The following YAP1 variants were observed in gnomAD, a reference collection of about 807,000 sequenced individuals.
The protein encoded by YAP1 is transcriptional coactivator YAP1.
A neutral mutation model predicts 56.9 loss-of-function variants in YAP1; 5 were observed. The ratio of observed to expected loss-of-function variants is 0.09; its 90% confidence interval spans 0.05 to 0.18. The LOEUF is 0.18. Ranked by LOEUF, YAP1 falls within the 10% of genes least tolerant of loss-of-function variation. The pLI is 1.00. For synonymous variants in YAP1, 265 were observed against 248.1 expected (o/e 1.07, Z -0.64); for missense variants, 539 against 651.8 (o/e 0.83, Z 1.88).
intron 2 of YAP1, among the ~76,000 whole-genome samples, chr11:102,148,688 G>C (rs1945461559): frequency 6.6e-6 from 1 of 152,128 alleles, no homozygotes; most frequent in Non-Finnish European, 1.5e-5. Context: ...CAAGACATCA[G>C]TATCTGAAAT....
At chr11:102,130,504 GGTGATTCTCC>G (rs755300681) in intron 2 of YAP1, among the ~76,000 whole-genome samples, 26 of 151,990 alleles carry the variant, frequency 1.7e-4, no homozygotes, top group Non-Finnish European at 3.4e-4. Context: ...TCTGGACTTA[GGTGATTCTCC>G]ACCTCAGCCT....
chr11:102,211,018 T>G (rs947806320), intron 6 of YAP1, among the ~76,000 whole-genome samples: 9 of 152,152 alleles, frequency 5.9e-5, no homozygotes, highest in East Asian at 1.9e-4. Context: ...GCCTCCCAAA[T>G]TGCTGGGATT....
rs528432500 is a variant in YAP1 at position 102,166,353 on chromosome 11, A to G, written c.688+3782A>G. On this transcript the variant is annotated intron_variant, in intron 3 of 8. Transcript: ENST00000282441. Reference sequence around the variant, plus strand: ...TTCAGTGGAAGCCCATGGTTTTGACATGTTTTGGAATGAATGTCACTGTAA... The same window carrying G: ...TTCAGTGGAAGCCCATGGTTTTGACGTGTTTTGGAATGAATGTCACTGTAA... Among the ~76,000 whole-genome samples the G allele has an allele frequency of 4.6e-5, 7 of 152,280 alleles. No homozygotes were observed. In the South Asian group the frequency reaches 6.2e-4, roughly 14 times the overall value.
At chr11:102,154,873 A>C (rs537238552) in intron 2 of YAP1, among the ~76,000 whole-genome samples, 1 of 152,224 alleles carries the variant, frequency 6.6e-6, no homozygotes, top group Non-Finnish European at 1.5e-5. Context: ...GTAGCTAAGT[A>C]TGATTCCCTC....
At chr11:102,186,814 ATGTGTGTGTGTG>A (rs10580018) in intron 4 of YAP1, 134 of 138,526 alleles carry the variant, frequency 9.7e-4, no homozygotes, top group African/African-American at 3.1e-3. Context: ...TTTTTAAAAA[ATGTGTGTGTGTG>A]TGTGTGTGTG....
intron 4 of YAP1, among the ~76,000 whole-genome samples, chr11:102,193,537 C>T (rs1948409317): frequency 6.6e-6 from 1 of 152,162 alleles, no homozygotes; most frequent in Admixed American, 6.5e-5. Flanking sequence ...GGTAAGCAAT[C>T]TCTCCTGTAC....
intron 4 of YAP1, among the ~76,000 whole-genome samples, chr11:102,199,058 A>G (rs1299203758): frequency 1.3e-5 from 2 of 152,228 alleles, no homozygotes; most frequent in African/African-American, 4.8e-5. Context: ...GAGGTATAGG[A>G]ATCATCAAAA....
intron 3 of YAP1, among the ~76,000 whole-genome samples, chr11:102,164,298 G>A (rs1255386913): frequency 6.6e-6 from 1 of 152,162 alleles, no homozygotes; most frequent in East Asian, 1.9e-4. Context: ...CTCCCAAAGT[G>A]CTGGGATAAC....
chr11:102,233,152 A>T lies in YAP1; in HGVS notation c.*3212A>T, dbSNP rs1021735728. 6.6e-6 allele frequency: 1 copy of T among 152,202 alleles called. No individual in the cohort carries two copies. The highest frequency in any genetic ancestry group is 2.4e-5 in the African/African-American group (1 of 41,458). The allele number at this position is 152,202 out of a possible 1,614,324, so 9.4% of individuals were successfully genotyped here. On this transcript the variant is annotated 3_prime_UTR_variant, in exon 9 of 9. Transcript: ENST00000282441. ...ATTTTATCCTCGCAAGCATGTTGTT[A>T]TAAGAATTGTGGGTGTGCCTATCAT...
chr11:102,186,836 G>C (rs1947988200), intron 4 of YAP1: 1 of 151,972 alleles, frequency 6.6e-6, no homozygotes, highest in Admixed American at 6.6e-5. Flanking sequence ...GTGTGTGTGT[G>C]TGTGTGTGTG....
intron 2 of YAP1, among the ~76,000 whole-genome samples, chr11:102,148,976 A>T (rs1945476646): frequency 6.6e-6 from 1 of 152,178 alleles, no homozygotes; most frequent in African/African-American, 2.4e-5. Context: ...CAAATGATAG[A>T]TAGAGCCTAT....
At chr11:102,137,587 G>A (rs999124622) in intron 2 of YAP1, among the ~76,000 whole-genome samples, 4 of 152,282 alleles carry the variant, frequency 2.6e-5, no homozygotes, top group Admixed American at 2.6e-4. Flanking sequence ...AATATAGAAT[G>A]CTTAAAAGAC....
intron 3 of YAP1, among the ~76,000 whole-genome samples, chr11:102,172,842 G>GT (rs1290292713): frequency 2.0e-5 from 3 of 152,136 alleles, no homozygotes; most frequent in African/African-American, 4.8e-5. Context: ...AATGAACTGA[G>GT]AGTGAGAGCC....
In YAP1 at chr11:102,232,360, C is replaced by CAT. The variant is rs1488893925; in HGVS notation, c.*2421_*2422insTA. ...TTCTCTTTAATAAAGACTTGTCTTA[C>CAT]ACCGTGCTGCCATTAAAGGCAGCTG... On this transcript the variant is annotated 3_prime_UTR_variant, in exon 9 of 9. Transcript: ENST00000282441. The CAT allele has an allele frequency of 6.6e-6, 1 of 151,980 alleles. No homozygotes were observed. The highest frequency in any genetic ancestry group is 1.5e-5 in the Non-Finnish European group (1 of 67,998). 9.4% of individuals were successfully genotyped at this position (151,980 alleles called of 1,614,324 possible). A position where few individuals can be genotyped will look rare whatever the true frequency, so the allele number is the denominator to read the frequency against.
At chr11:102,162,415 C>T (rs201164498) in intron 2 of YAP1, 41 bp from the exon 3 acceptor site, 2 of 1,562,358 alleles carry the variant, frequency 1.3e-6, no homozygotes, top group Admixed American at 3.3e-5. Flanking sequence ...TTTTTGGAAC[C>T]TGGTATTTGT....
intron 3 of YAP1, among the ~76,000 whole-genome samples, chr11:102,182,653 T>C (rs976592805): frequency 6.6e-6 from 1 of 152,252 alleles, no homozygotes; most frequent in Non-Finnish European, 1.5e-5. Context: ...GGAAGAATTG[T>C]TTCTTTTCAG....
intron 6 of YAP1, among the ~76,000 whole-genome samples, chr11:102,219,733 C>T (rs1284655776): frequency 6.6e-6 from 1 of 151,658 alleles, no homozygotes; most frequent in Non-Finnish European, 1.5e-5. Flanking sequence ...AAAGATTATA[C>T]CTGATGACCT....
intron 2 of YAP1, among the ~76,000 whole-genome samples, chr11:102,144,916 A>T (rs1190108314): frequency 6.6e-6 from 1 of 151,722 alleles, no homozygotes; most frequent in East Asian, 1.9e-4. Flanking sequence ...GCTCACACAC[A>T]CTTATTCTGT....
rs78188440 is a variant in YAP1, at chr11:102,190,242, G to A, written c.802+4111G>A. On this transcript the variant is annotated intron_variant, in intron 4 of 8. Coordinates refer to ENST00000282441, the MANE Select transcript of YAP1 (RefSeq NM_001130145.3). ...ACTCAAGTCTTTCCTGGTTATCCTG[G>A]GCTGTCAGTATTTGGTTATGGACTA... 4.0e-3 allele frequency among the ~76,000 whole-genome samples: 601 copies of A among 152,124 alleles called. 3 individuals carry two copies. Among genetic ancestry groups the A allele is most frequent in the African/African-American group, 0.014 (577 of 41,508 alleles).
Sources: allele counts gnomAD v4.1 joint callset (sites outside exome capture counted in the v4.1 genomes callset), GRCh38; gene constraint gnomAD v4.1.1; transcripts MANE v1.5; gene names NCBI Gene and HGNC (gene_info 2026-07-23, HGNC 2026-07-21).